CCDC170: variants seen among roughly 807,000 people sequenced by gnomAD.
CCDC170 encodes the protein coiled-coil domain containing 170, also known as coiled-coil domain-containing protein 170.
CCDC170 carries 69 observed loss-of-function variants against 72.6 expected under a neutral mutation model. The ratio of observed to expected loss-of-function variants is 0.95; its 90% CI spans 0.78 to 1.16. The LOEUF (loss-of-function observed/expected upper bound fraction) is 1.16, where lower values mean the gene tolerates loss of function less well. Among genes scored for constraint, CCDC170 ranks in the 50% most tolerant of loss-of-function variants. CCDC170 has a pLI of 0.00. For synonymous variants in CCDC170, 300 were observed against 303.9 expected (o/e 0.99, Z 0.13); for missense variants, 852 against 832.5 (o/e 1.02, Z -0.29).
rs564119648 is a variant in CCDC170, at chr6:151,536,319, A to G, written c.59A>G (p.Glu20Gly). Residue 20 changes from glutamate (E) to glycine (G), a missense_variant and splice_region_variant, in exon 2 of 11, where the codon GAA (glutamate) becomes GGA (glycine). Coordinates refer to ENST00000239374, the MANE Select transcript of CCDC170 (RefSeq NM_025059.4). Reference protein sequence around the residue: ...ALGAASPAPEETYDHLSEVPV... With the variant: ...ALGAASPAPEGTYDHLSEVPV... The stretch of plus-strand genomic sequence containing the variant: ...TGTATTTTGGGGGAATTCTACCAGG[A>G]AACTTACGATCATCTTTCGGAAGTC... 3.1e-5 allele frequency: 50 copies of G among 1,613,274 alleles called. 2 individuals are homozygous for G. In the South Asian group the frequency reaches 5.1e-4, roughly 16 times the overall value.
Position 151,528,887 on chromosome 6 carries a change from C to G in CCDC170, c.58-7431C>G, listed in dbSNP as rs150666589. On this transcript the variant is annotated intron_variant, in intron 1 of 10. Transcript: ENST00000239374. ...AGCATATAATAAAGAAAAAAAAAGTCTACCTTACAACCAAAAGATAACCAT... is the reference window on the plus strand; with the variant it reads ...AGCATATAATAAAGAAAAAAAAAGTGTACCTTACAACCAAAAGATAACCAT... Among the ~76,000 whole-genome samples, 458 of 151,658 alleles carry G rather than the reference C, an allele frequency of 3.0e-3. 12 individuals are homozygous for G. The highest frequency in any genetic ancestry group is 0.028 in the Admixed American group (422 of 15,228).
In CCDC170 at chr6:151,494,140, C is replaced by T; in HGVS notation, c.12C>T (p.Asp4=). 6.6e-7 allele frequency: 1 copy of T among 1,513,604 alleles called. No individual in the cohort carries two copies. The highest frequency in any genetic ancestry group is 8.8e-7 in the Non-Finnish European group (1 of 1,136,410). 93.8% of individuals were successfully genotyped at this position (1,513,604 alleles called of 1,614,324 possible). A position where few individuals can be genotyped will look rare whatever the true frequency, so the allele number is the denominator to read the frequency against. The change falls in exon 1 of 11, where the codon GAC becomes GAT. Residue 4 remains aspartate, a synonymous_variant. Coordinates refer to ENST00000239374, the MANE Select transcript of CCDC170 (RefSeq NM_025059.4). MSL[D]CTSHIALGAA... is the part of the protein sequence containing the mutation. The stretch of plus-strand genomic sequence containing the variant: ...GGGCTCGGGTCGTCATGAGCCTGGA[C>T]TGCACCAGCCATATCGCGCTGGGTG...
intron 4 of CCDC170, among the ~76,000 whole-genome samples, chr6:151,547,314 G>GAAGAAATAACCAAATAAATATCCAAA (rs1782791544): frequency 3.3e-5 from 5 of 152,176 alleles, no homozygotes; most frequent in Non-Finnish European, 7.3e-5. Context: ...TTTTCAAAGG[G>GAAGAAATAACCAAATAAATATCCAAA]TAAGGATAGT....
At position 151,593,093 on chromosome 6, in the gene CCDC170, G is replaced by T. The variant is rs774535138; in HGVS notation, c.1294-14G>T. 7 of 1,613,392 alleles carry T rather than the reference G, an allele frequency of 4.3e-6. No homozygotes were observed. The highest frequency in any genetic ancestry group is 1.3e-5 in the African/African-American group (1 of 74,850). On this transcript the variant is annotated splice_polypyrimidine_tract_variant and intron_variant, in intron 7 of 10. Transcript: ENST00000239374. ...ACTTTCATGTCCCATTTTTGTTTCT[G>T]TTCTTGGGTTTAGTATCTTAAATTT...
At chr6:151,612,908 C>T (rs987340490) in intron 9 of CCDC170, among the ~76,000 whole-genome samples, 1 of 151,800 alleles carries the variant, frequency 6.6e-6, no homozygotes, top group Admixed American at 6.6e-5. Flanking sequence ...CAGTTTACCT[C>T]AATTGTCAGG....
intron 5 of CCDC170, 99 bp from the exon 6 acceptor site, chr6:151,573,075 A>T: frequency 9.5e-7 from 1 of 1,048,496 alleles, no homozygotes; most frequent in African/African-American, 1.6e-5. Context: ...AACCCCTTGT[A>T]GTCATTAGCA....
intron 9 of CCDC170, among the ~76,000 whole-genome samples, chr6:151,598,436 G>C (rs9383585): frequency 0.15 from 23,165 of 151,926 alleles, 1,909 homozygotes; most frequent in East Asian, 0.38. Flanking sequence ...GGGGGTGTTC[G>C]GTTCAACTGA....
chr6:151,610,056 A>T (rs1438643226), intron 9 of CCDC170, among the ~76,000 whole-genome samples: 1 of 152,240 alleles, frequency 6.6e-6, no homozygotes, highest in East Asian at 1.9e-4. Flanking sequence ...AAAATTCAAC[A>T]TACCAATCCC....
At chr6:151,615,842 C>T (rs1021259247) in intron 10 of CCDC170, 163 bp downstream of exon 10, 1 of 620,246 alleles carries the variant, frequency 1.6e-6, no homozygotes, top group Non-Finnish European at 2.8e-6. Context: ...TTCTCTGTAT[C>T]GTTCCAATGT....
At chr6:151,503,419 G>C (rs2115019639) in intron 1 of CCDC170, among the ~76,000 whole-genome samples, 1 of 152,104 alleles carries the variant, frequency 6.6e-6, no homozygotes, top group East Asian at 1.9e-4. Context: ...CCAGGCCCTT[G>C]GGTGGGAATG....
In CCDC170 at chr6:151,572,677, T is replaced by C. The variant is rs1331258449; in HGVS notation, c.775-497T>C. ...TTTTTTTTTTTTTTTTTTGATGGAGTCTTGTTCTGTTGCCCAGGCTGGAGT... is the reference window on the plus strand; with the variant it reads ...TTTTTTTTTTTTTTTTTTGATGGAGCCTTGTTCTGTTGCCCAGGCTGGAGT... On this transcript the variant is annotated intron_variant, in intron 5 of 10. Coordinates refer to ENST00000239374, the MANE Select transcript of CCDC170 (RefSeq NM_025059.4). Among the ~76,000 whole-genome samples, 5 of 140,498 alleles carry C rather than the reference T, an allele frequency of 3.6e-5. 1 individual carries two copies. Among genetic ancestry groups the C allele is most frequent in the South Asian group, 2.3e-4 (1 of 4,384 alleles). 92.2% of individuals were successfully genotyped at this position (140,498 alleles called of 152,430 possible). A position where few individuals can be genotyped will look rare whatever the true frequency, so the allele number is the denominator to read the frequency against.
intron 1 of CCDC170, among the ~76,000 whole-genome samples, chr6:151,531,095 G>T (rs1031087403): frequency 1.3e-5 from 2 of 152,126 alleles, no homozygotes; most frequent in Non-Finnish European, 2.9e-5. Flanking sequence ...TAGAAAGTCG[G>T]CTATGGCTTT....
intron 4 of CCDC170, 120 bp from the exon 5 acceptor site, chr6:151,548,184 A>G (rs1782807397): frequency 2.4e-6 from 2 of 833,438 alleles, no homozygotes; most frequent in South Asian, 4.0e-5. Context: ...TTTCCAGTCC[A>G]TGTAGGGATA....
In CCDC170 at chr6:151,536,353, G is replaced by A. The variant is rs1022977985; in HGVS notation, c.93G>A (p.Thr31=). The change falls in exon 2 of 11, where the codon ACG becomes ACA. Residue 31 remains threonine (T), a synonymous_variant. Coordinates refer to ENST00000239374, the MANE Select transcript of CCDC170 (RefSeq NM_025059.4). ...TYDHLSEVPV[T]REQLNHYRNV... Reference sequence around the variant, plus strand: ...ATCATCTTTCGGAAGTCCCGGTCACGCGGGAGCAGTTAAACCACTATCGGA... The same window carrying A: ...ATCATCTTTCGGAAGTCCCGGTCACACGGGAGCAGTTAAACCACTATCGGA... The A allele has an allele frequency of 1.4e-5, 22 of 1,614,132 alleles. No homozygotes were observed. The highest frequency in any genetic ancestry group is 5.0e-5 in the Admixed American group (3 of 60,028).
At position 151,596,538 on chromosome 6, in the gene CCDC170, C is replaced by T. The variant is rs563094004; in HGVS notation, c.1671C>T (p.Thr557=). 49 of 1,614,072 alleles carry T rather than the reference C, an allele frequency of 3.0e-5. No individual in the cohort carries two copies. Among genetic ancestry groups the T allele is most frequent in the South Asian group, 4.4e-5 (4 of 91,070 alleles). ...KELNTCRDLH[T]ELKAKLADTN... The stretch of plus-strand genomic sequence containing the variant: ...TGAACACGTGTCGAGACTTGCACAC[C>T]GAGCTCAAAGCCAAACTGGCCGACA... The change falls in exon 9 of 11, where the codon ACC becomes ACT. Residue 557 remains threonine (T), a synonymous_variant. Transcript: ENST00000239374.
intron 1 of CCDC170, among the ~76,000 whole-genome samples, chr6:151,525,984 T>C (rs1782399926): frequency 6.6e-6 from 1 of 152,160 alleles, no homozygotes; most frequent in South Asian, 2.1e-4. Context: ...ACATTTTACA[T>C]ATCCCTCCAT....
chr6:151,519,538 T>G (rs1424491362), intron 1 of CCDC170, among the ~76,000 whole-genome samples: 2 of 152,196 alleles, frequency 1.3e-5, no homozygotes, highest in East Asian at 3.8e-4. Context: ...GCTTACGAAG[T>G]TAAGAGGATT....
intron 9 of CCDC170, among the ~76,000 whole-genome samples, chr6:151,602,197 T>C (rs1776719547): frequency 6.6e-6 from 1 of 152,212 alleles, no homozygotes; most frequent in Non-Finnish European, 1.5e-5. Flanking sequence ...TTCCAGATAC[T>C]ATTACATTTT....
chr6:151,598,723 C>A (rs1269530622), intron 9 of CCDC170, among the ~76,000 whole-genome samples: 1 of 152,168 alleles, frequency 6.6e-6, no homozygotes, highest in Non-Finnish European at 1.5e-5. Context: ...CTAAAGATGG[C>A]ATTGTATGAA....
Sources: gnomAD v4.1 joint callset for allele counts (sites outside exome capture counted in the v4.1 genomes callset) on GRCh38, gnomAD v4.1.1 for gene constraint, MANE v1.5 for transcripts, NCBI Gene and HGNC (gene_info 2026-07-23, HGNC 2026-07-21) for gene names.